The following NPFFR2 variants were observed in gnomAD, a reference collection of about 807,000 sequenced individuals.
The protein encoded by NPFFR2 is G-protein coupled receptor 74.
NPFFR2 carries 15 observed loss-of-function variants against 13.1 expected under a neutral mutation model. That is an observed-to-expected ratio of 1.15 (90% CI 0.77 to 1.76). NPFFR2 has a LOEUF of 1.76. NPFFR2 is among the 40% of genes most tolerant of loss of function. NPFFR2 has a pLI of 0.00. For missense variants in NPFFR2, 572 were observed against 503.5 expected, an observed-to-expected ratio of 1.14 and a Z score of -1.30; for synonymous variants, 190 against 175.7, an observed-to-expected ratio of 1.08 and a Z score of -0.65.
chr4:72,114,375 G>A (rs1032430534), intron 1 of NPFFR2, among the ~76,000 whole-genome samples: 1 of 151,796 alleles, frequency 6.6e-6, no homozygotes, highest in Non-Finnish European at 1.5e-5. Flanking sequence ...TTGTTGATTG[G>A]TACCCCTATA....
intron 1 of NPFFR2, among the ~76,000 whole-genome samples, chr4:72,087,112 C>T (rs1467498751): frequency 6.6e-6 from 1 of 151,972 alleles, no homozygotes; most frequent in Non-Finnish European, 1.5e-5. Context: ...TTGCGCTAAG[C>T]TTATATTGAT....
intron 1 of NPFFR2, among the ~76,000 whole-genome samples, chr4:72,115,152 A>G (rs766951664): frequency 5.9e-5 from 9 of 152,142 alleles, no homozygotes; most frequent in African/African-American, 1.2e-4. Flanking sequence ...AACTTTTCCT[A>G]TAACAAAGTT....
At chr4:72,046,359 G>A (rs1380594428) in intron 1 of NPFFR2, among the ~76,000 whole-genome samples, 2 of 152,114 alleles carry the variant, frequency 1.3e-5, no homozygotes, top group Non-Finnish European at 2.9e-5. Context: ...CATCATTGCA[G>A]AAGTGGGCTA....
At chr4:72,127,809 G>T (rs1486686237) in intron 1 of NPFFR2, among the ~76,000 whole-genome samples, 1 of 152,052 alleles carries the variant, frequency 6.6e-6, no homozygotes, top group African/African-American at 2.4e-5. Flanking sequence ...GCCACGCACG[G>T]TGGCTCATGC....
rs115010621 is a variant in NPFFR2 at position 72,137,959 on chromosome 4, G to A, written c.329-81G>A. The A allele has an allele frequency of 2.4e-3, 2,606 of 1,087,500 alleles. 53 individuals are homozygous for A. The African/African-American group carries it at 0.036, about 15-fold the overall frequency. 67.4% of individuals were successfully genotyped at this position (1,087,500 alleles called of 1,614,324 possible). On this transcript the variant is annotated intron_variant, in intron 2 of 3. Coordinates refer to ENST00000308744, the MANE Select transcript of NPFFR2 (RefSeq NM_004885.3). ...TGTAGAAAACAGTTACATTAGTCTCGTTTCCACAACTTTCTATTTTCATTT... is the reference window on the plus strand; with the variant it reads ...TGTAGAAAACAGTTACATTAGTCTCATTTCCACAACTTTCTATTTTCATTT...
intron 1 of NPFFR2, among the ~76,000 whole-genome samples, chr4:72,063,287 A>G (rs1015537800): frequency 3.3e-5 from 5 of 150,356 alleles, no homozygotes; most frequent in Non-Finnish European, 5.9e-5. Flanking sequence ...TGAATTTTGC[A>G]TGGCAAAATT....
At chr4:72,123,980 G>C (rs1029434377) in intron 1 of NPFFR2, among the ~76,000 whole-genome samples, 2 of 152,186 alleles carry the variant, frequency 1.3e-5, no homozygotes, top group Non-Finnish European at 2.9e-5. Flanking sequence ...AATTGTTCCT[G>C]TTTGCAGATG....
intron 1 of NPFFR2, among the ~76,000 whole-genome samples, chr4:72,047,960 T>C (rs1199502455): frequency 1.3e-5 from 2 of 152,222 alleles, no homozygotes; most frequent in East Asian, 3.9e-4. Flanking sequence ...AGTAAAGTTA[T>C]TCCTAAATTT....
chr4:72,125,013 A>T (rs948386459), intron 1 of NPFFR2, among the ~76,000 whole-genome samples: 5 of 152,202 alleles, frequency 3.3e-5, no homozygotes, highest in Non-Finnish European at 7.3e-5. Flanking sequence ...AAATTTTTGC[A>T]ATCTATCCAT....
chr4:72,044,913 T>A (rs1240068926), intron 1 of NPFFR2, among the ~76,000 whole-genome samples: 2 of 152,194 alleles, frequency 1.3e-5, no homozygotes, highest in Non-Finnish European at 2.9e-5. Context: ...TAATCCCATT[T>A]GTCTATTTTT....
At chr4:72,080,951 G>A (rs867422517) in intron 1 of NPFFR2, among the ~76,000 whole-genome samples, 1 of 146,826 alleles carries the variant, frequency 6.8e-6, no homozygotes, top group Non-Finnish European at 1.5e-5. Context: ...GCCACACTGA[G>A]ACATCTTCCC....
At chr4:72,081,980 C>T (rs370093972) in intron 1 of NPFFR2, among the ~76,000 whole-genome samples, 5 of 152,124 alleles carry the variant, frequency 3.3e-5, no homozygotes, top group African/African-American at 9.7e-5. Context: ...AGGCAAGACA[C>T]AGGGATATTC....
At chr4:72,146,412 T>C (rs1262570632) in intron 3 of NPFFR2, 1 of 152,182 alleles carries the variant, frequency 6.6e-6, no homozygotes, top group Admixed American at 6.6e-5. Flanking sequence ...GCTTGCATCA[T>C]GTTTGCTAAT....
At chr4:72,062,662 T>C (rs4328884) in intron 1 of NPFFR2, among the ~76,000 whole-genome samples, 135,389 of 151,872 alleles carry the variant, frequency 0.89, 61,444 homozygotes, top group Non-Finnish European at 0.98. Flanking sequence ...GACTTTTTTT[T>C]CCCAACAAAA....
rs149880730 is a variant in NPFFR2 at position 72,095,428 on chromosome 4, C to T, written c.-7-33157C>T. Among the ~76,000 whole-genome samples, 469 of 152,202 alleles carry T rather than the reference C, an allele frequency of 3.1e-3. 5 individuals carry two copies. The highest frequency in any genetic ancestry group is 0.011 in the African/African-American group (450 of 41,520). ...TGTTTTTTGTTGTTGTTTTGAAAGC[C>T]ATTTACTAAAGATTTGCAAGCCCAT... On this transcript the variant is annotated intron_variant, in intron 1 of 3. Coordinates refer to ENST00000308744, the MANE Select transcript of NPFFR2 (RefSeq NM_004885.3).
At chr4:72,062,303 T>G (rs549908884) in intron 1 of NPFFR2, among the ~76,000 whole-genome samples, 6 of 152,262 alleles carry the variant, frequency 3.9e-5, no homozygotes, top group African/African-American at 1.4e-4. Context: ...GTCTTTTTAC[T>G]CTTCTTGGTA....
intron 1 of NPFFR2, among the ~76,000 whole-genome samples, chr4:72,059,947 A>G (rs959595881): frequency 3.3e-5 from 5 of 152,116 alleles, no homozygotes; most frequent in Non-Finnish European, 5.9e-5. Context: ...CCCCCAGATA[A>G]TTATCACTTT....
At chr4:72,076,673 A>G (rs553197177) in intron 1 of NPFFR2, among the ~76,000 whole-genome samples, 1 of 152,270 alleles carries the variant, frequency 6.6e-6, no homozygotes, top group East Asian at 1.9e-4. Flanking sequence ...CTTCAGGATG[A>G]TTAAGAGTGA....
At chr4:72,113,176 C>A (rs537432610) in intron 1 of NPFFR2, among the ~76,000 whole-genome samples, 76 of 152,074 alleles carry the variant, frequency 5.0e-4, no homozygotes, top group African/African-American at 1.8e-3. Flanking sequence ...GGACATCATT[C>A]CAAGTAGTCA....
Sources: gnomAD v4.1 joint callset for allele counts (sites outside exome capture counted in the v4.1 genomes callset) on GRCh38, gnomAD v4.1.1 for gene constraint, MANE v1.5 for transcripts, NCBI Gene and HGNC (gene_info 2026-07-23, HGNC 2026-07-21) for gene names.